Variants in SEMA3E observed in about 807,000 individuals in gnomAD.
SEMA3E encodes semaphorin-3E.
Under a neutral mutation model 93.6 loss-of-function variants are expected in SEMA3E, and 49 were observed. That is an observed-to-expected ratio of 0.52 (90% CI 0.42 to 0.66). SEMA3E has a LOEUF of 0.66. SEMA3E is among the 30% of genes least tolerant of loss of function. The pLI, the probability that SEMA3E is intolerant of heterozygous loss-of-function variation, is 0.00. For missense variants in SEMA3E, 906 were observed against 964.8 expected, an observed-to-expected ratio of 0.94 and a Z score of 0.81; for synonymous variants, 363 against 330.7, an observed-to-expected ratio of 1.10 and a Z score of -1.06.
At chr7:83,481,489 C>T (rs2115942743) in intron 2 of SEMA3E, among the ~76,000 whole-genome samples, 1 of 152,152 alleles carries the variant, frequency 6.6e-6, no homozygotes, top group African/African-American at 2.4e-5. Context: ...ATTTTAGAGA[C>T]TTTTACATAG....
intron 1 of SEMA3E, among the ~76,000 whole-genome samples, chr7:83,526,773 A>T (rs532827478): frequency 6.6e-6 from 1 of 152,256 alleles, no homozygotes; most frequent in Admixed American, 6.5e-5. Flanking sequence ...ATAGGAGAAT[A>T]TTTTTAAAAT....
chr7:83,533,919 T>C (rs1464774072), intron 1 of SEMA3E, among the ~76,000 whole-genome samples: 2 of 152,168 alleles, frequency 1.3e-5, no homozygotes, highest in East Asian at 3.9e-4. Flanking sequence ...TCAGCCATGA[T>C]TGCATTTCAG....
intron 16 of SEMA3E, among the ~76,000 whole-genome samples, chr7:83,377,454 G>C (rs1787669960): frequency 1.3e-5 from 2 of 151,926 alleles, no homozygotes; most frequent in African/African-American, 4.8e-5. Context: ...TGCAGTTGTA[G>C]CCTAAAAACA....
At chr7:83,578,345 T>C (rs1415481063) in intron 1 of SEMA3E, among the ~76,000 whole-genome samples, 1 of 152,112 alleles carries the variant, frequency 6.6e-6, no homozygotes, top group African/African-American at 2.4e-5. Flanking sequence ...TCACTTGATA[T>C]CAGGAGTTCG....
In SEMA3E at chr7:83,648,414, G is replaced by T; in HGVS notation, c.115+14C>A. 7.5e-6 allele frequency: 11 copies of T among 1,471,932 alleles called. No individual in the cohort carries two copies. The highest frequency in any genetic ancestry group is 1.0e-5 in the Non-Finnish European group (11 of 1,053,148). 91.2% of individuals were successfully genotyped at this position (1,471,932 alleles called of 1,614,324 possible). On this transcript the variant is annotated intron_variant, in intron 1 of 16. Coordinates refer to ENST00000643230, the MANE Select transcript of SEMA3E (RefSeq NM_012431.3). ...TTTTTTTTTTAAACAAAAGGATCTG[G>T]AAAGGTAACCTACCTTTATGTGACA... is the stretch of plus-strand genomic sequence containing the variant.
chr7:83,391,104 C>A (rs571494530), intron 14 of SEMA3E, among the ~76,000 whole-genome samples: 3 of 152,140 alleles, frequency 2.0e-5, no homozygotes, highest in Non-Finnish European at 4.4e-5. Context: ...TCACTCCTGA[C>A]CCATGGTACG....
At chr7:83,447,149 T>C (rs1485579055) in intron 4 of SEMA3E, among the ~76,000 whole-genome samples, 1 of 152,196 alleles carries the variant, frequency 6.6e-6, no homozygotes, top group East Asian at 1.9e-4. Flanking sequence ...CTATAAATAA[T>C]GCTGAATCTA....
At chr7:83,408,691 C>T (rs1242361399) in intron 5 of SEMA3E, among the ~76,000 whole-genome samples, 1 of 152,144 alleles carries the variant, frequency 6.6e-6, no homozygotes, top group Non-Finnish European at 1.5e-5. Context: ...GGGCAAGTTG[C>T]TAAGTTCCCT....
At chr7:83,407,567 A>G (rs138078302) in intron 6 of SEMA3E, among the ~76,000 whole-genome samples, 13 of 152,270 alleles carry the variant, frequency 8.5e-5, no homozygotes, top group Admixed American at 2.6e-4. Flanking sequence ...CACAATGAAG[A>G]CAAATCTCTA....
intron 2 of SEMA3E, among the ~76,000 whole-genome samples, chr7:83,480,211 CA>C (rs1330907366): frequency 2.6e-5 from 4 of 152,262 alleles, no homozygotes; most frequent in South Asian, 4.1e-4. Context: ...GAGACCTAGG[CA>C]GGTAGATTAC....
intron 2 of SEMA3E, among the ~76,000 whole-genome samples, chr7:83,488,885 G>A (rs930100801): frequency 2.6e-5 from 4 of 151,916 alleles, no homozygotes; most frequent in South Asian, 2.1e-4. Flanking sequence ...AGAGGCTGGC[G>A]AAAAATTAGT....
chr7:83,576,297 C>A (rs769004941), intron 1 of SEMA3E, among the ~76,000 whole-genome samples: 2 of 152,082 alleles, frequency 1.3e-5, no homozygotes, highest in Non-Finnish European at 2.9e-5. Context: ...ATTTATCAAC[C>A]TTTTATTGGA....
intron 2 of SEMA3E, among the ~76,000 whole-genome samples, chr7:83,474,516 T>C (rs1379493236): frequency 1.3e-5 from 2 of 152,168 alleles, no homozygotes; most frequent in African/African-American, 4.8e-5. Flanking sequence ...CATATAAACT[T>C]TAAGTGAAAA....
At chr7:83,410,493 C>T (rs114265499) in intron 5 of SEMA3E, among the ~76,000 whole-genome samples, 277 of 152,120 alleles carry the variant, frequency 1.8e-3, no homozygotes, top group African/African-American at 6.3e-3. Flanking sequence ...TATGTTAGAA[C>T]TCTTAAGCAT....
chr7:83,374,612 G>A (rs888904139), intron 16 of SEMA3E, among the ~76,000 whole-genome samples: 1 of 152,080 alleles, frequency 6.6e-6, no homozygotes, highest in Non-Finnish European at 1.5e-5. Flanking sequence ...ATGAAATAGA[G>A]ACACAAACAG....
At chr7:83,521,565 C>T (rs1311336956) in intron 1 of SEMA3E, among the ~76,000 whole-genome samples, 2 of 152,090 alleles carry the variant, frequency 1.3e-5, no homozygotes, top group Admixed American at 1.3e-4. Flanking sequence ...TAACAAAATA[C>T]CATAAACTGG....
chr7:83,538,268 CTA>C (rs1306702591), intron 1 of SEMA3E, among the ~76,000 whole-genome samples: 1 of 152,164 alleles, frequency 6.6e-6, no homozygotes, highest in Non-Finnish European at 1.5e-5. Flanking sequence ...ACCTGCCAGA[CTA>C]TTTTTCAAAA....
intron 1 of SEMA3E, among the ~76,000 whole-genome samples, chr7:83,490,859 T>C (rs1439416134): frequency 6.6e-6 from 1 of 152,080 alleles, no homozygotes; most frequent in East Asian, 1.9e-4. Flanking sequence ...ATGCCAGAAA[T>C]GTTGAGCTAT....
At chr7:83,619,295 T>C (rs1793494142) in intron 1 of SEMA3E, among the ~76,000 whole-genome samples, 1 of 151,960 alleles carries the variant, frequency 6.6e-6, no homozygotes, top group Non-Finnish European at 1.5e-5. Flanking sequence ...TAAAAAATTT[T>C]AGATAAATAC....
Sources: gnomAD v4.1 joint callset for allele counts (sites outside exome capture counted in the v4.1 genomes callset) on GRCh38, gnomAD v4.1.1 for gene constraint, MANE v1.5 for transcripts, NCBI Gene and HGNC (gene_info 2026-07-23, HGNC 2026-07-21) for gene names.